CCDC93: variants seen among roughly 807,000 people sequenced by gnomAD.
CCDC93 encodes the protein CCC complex scaffolding subunit CCDC93, also known as coiled-coil domain-containing protein 93.
CCDC93 carries 61 observed loss-of-function variants against 108.2 expected under a neutral mutation model. That is an observed-to-expected ratio of 0.56 (90% CI 0.46 to 0.70). CCDC93 has a LOEUF of 0.70. Ranked by LOEUF, CCDC93 falls within the 30% of genes least tolerant of loss-of-function variation. The pLI is 0.00. For missense variants in CCDC93, 685 were observed against 764.2 expected (o/e 0.90, Z 1.22); for synonymous variants, 276 against 260.4 (o/e 1.06, Z -0.58).
intron 9 of CCDC93, 31 bp from the exon 10 acceptor site, chr2:117,974,931 A>G: frequency 1.3e-6 from 2 of 1,548,412 alleles, no homozygotes; most frequent in East Asian, 2.4e-5. Context: ...AGCAGCAGTG[A>G]GTGGTTCTGA....
At chr2:117,974,419 C>G (rs1202523225) in intron 10 of CCDC93, among the ~76,000 whole-genome samples, 1 of 152,110 alleles carries the variant, frequency 6.6e-6, no homozygotes, top group Admixed American at 6.5e-5. Flanking sequence ...TCTTCCCAGG[C>G]CTCAAAAAGA....
intron 20 of CCDC93, 98 bp from the exon 21 acceptor site, chr2:117,936,837 C>T (rs1678543169): frequency 1.1e-6 from 1 of 878,812 alleles, no homozygotes; most frequent in Non-Finnish European, 2.0e-6. Context: ...CATACTGCTT[C>T]TGCAAGGAAC....
At chr2:117,981,484 CTT>C (rs1287279292) in intron 7 of CCDC93, among the ~76,000 whole-genome samples, 1 of 152,210 alleles carries the variant, frequency 6.6e-6, no homozygotes, top group African/African-American at 2.4e-5. Flanking sequence ...CTGCATTCCT[CTT>C]CTTTAGCTCT....
At chr2:117,936,309 A>G (rs1254415117) in intron 21 of CCDC93, among the ~76,000 whole-genome samples, 1 of 152,204 alleles carries the variant, frequency 6.6e-6, no homozygotes, top group Non-Finnish European at 1.5e-5. Flanking sequence ...CAATGTACAC[A>G]TTAACCAAAA....
At chr2:117,926,013 T>G (rs988733628) in intron 23 of CCDC93, among the ~76,000 whole-genome samples, 7 of 152,300 alleles carry the variant, frequency 4.6e-5, no homozygotes, top group Admixed American at 3.9e-4. Flanking sequence ...TGCTCCTGAA[T>G]GACTACAGGG....
chr2:117,985,320 G>T, intron 7 of CCDC93: 1 of 234,556 alleles, frequency 4.3e-6, no homozygotes, highest in Non-Finnish European at 7.0e-6. Flanking sequence ...TACAAGGGTT[G>T]GGCTGTGAGG....
intron 2 of CCDC93, 83 bp downstream of exon 2, chr2:118,008,462 C>T: frequency 1.3e-6 from 1 of 795,862 alleles, no homozygotes; most frequent in Admixed American, 2.4e-5. Flanking sequence ...GTTAAAACAT[C>T]ATCTTTTCCT....
intron 6 of CCDC93, among the ~76,000 whole-genome samples, chr2:117,987,749 A>C (rs903654796): frequency 6.6e-6 from 1 of 152,250 alleles, no homozygotes; most frequent in African/African-American, 2.4e-5. Context: ...AGATTAATAA[A>C]AAATCTACCA....
At chr2:117,996,385 A>G (rs1212766535) in intron 4 of CCDC93, 23 bp from the exon 5 acceptor site, 3 of 1,537,306 alleles carry the variant, frequency 2.0e-6, no homozygotes, top group Non-Finnish European at 2.7e-6. Context: ...GTGAAAAGAC[A>G]AGAGTTGCTA....
intron 6 of CCDC93, among the ~76,000 whole-genome samples, chr2:117,987,498 C>T (rs1253537756): frequency 6.6e-6 from 1 of 152,196 alleles, no homozygotes; most frequent in Non-Finnish European, 1.5e-5. Context: ...AGAGCTATTG[C>T]TAAGTCACCC....
chr2:117,961,232 G>A (rs1679382284), intron 11 of CCDC93, among the ~76,000 whole-genome samples: 1 of 152,014 alleles, frequency 6.6e-6, no homozygotes, highest in Middle Eastern at 3.4e-3. Context: ...GAAAATGCTC[G>A]CAATGCACAG....
At chr2:117,989,946 G>A (rs149698406) in intron 6 of CCDC93, among the ~76,000 whole-genome samples, 7 of 152,294 alleles carry the variant, frequency 4.6e-5, no homozygotes, top group Middle Eastern at 3.4e-3. Context: ...TAGATGATCC[G>A]GTAAGTTCCA....
intron 11 of CCDC93, 42 bp from the exon 12 acceptor site, chr2:117,958,523 T>A: frequency 8.6e-7 from 1 of 1,156,386 alleles, no homozygotes; most frequent in South Asian, 1.2e-5. Context: ...ATTTAGTTAG[T>A]TGACCTTGGT....
chr2:117,961,110 A>AC (rs201120655), intron 11 of CCDC93, among the ~76,000 whole-genome samples: 4,071 of 152,124 alleles, frequency 0.027, 73 homozygotes, highest in Non-Finnish European at 0.044. Flanking sequence ...GGGACAGTCA[A>AC]TGGGGTGGGC....
chr2:117,941,710 C>A (rs1423820941), intron 18 of CCDC93, among the ~76,000 whole-genome samples: 1 of 152,222 alleles, frequency 6.6e-6, no homozygotes, highest in Non-Finnish European at 1.5e-5. Flanking sequence ...CCTCCACATA[C>A]ATCCCAAATT....
At chr2:117,967,054 G>A (rs765959551) in intron 11 of CCDC93, among the ~76,000 whole-genome samples, 4 of 152,076 alleles carry the variant, frequency 2.6e-5, no homozygotes, top group African/African-American at 4.8e-5. Flanking sequence ...GTGCAGTGGC[G>A]CGATCTCAGC....
chr2:117,922,539 G>A lies in CCDC93; in HGVS notation c.1843-2143C>T, dbSNP rs191909674. 2.6e-3 allele frequency among the ~76,000 whole-genome samples: 389 copies of A among 152,258 alleles called. 2 individuals carry two copies. The highest frequency in any genetic ancestry group is 7.8e-3 in the African/African-American group (326 of 41,554). The stretch of plus-strand genomic sequence containing the variant: ...AATCTTAGTATCATGACCTGATGGC[G>A]CCCACGGTGCATAACTGTTGCCCAT... On this transcript the variant is annotated intron_variant, in intron 23 of 23. Transcript: ENST00000376300.
Sources: gnomAD v4.1 joint callset for allele counts (sites outside exome capture counted in the v4.1 genomes callset) on GRCh38, gnomAD v4.1.1 for gene constraint, MANE v1.5 for transcripts, NCBI Gene and HGNC (gene_info 2026-07-23, HGNC 2026-07-21) for gene names.